Variants in TMTC1 observed in about 807,000 individuals in gnomAD.
The protein encoded by TMTC1 is transmembrane O-mannosyltransferase targeting cadherins 1, also known as protein O-mannosyl-transferase TMTC1.
Under a neutral mutation model 104.8 loss-of-function variants are expected in TMTC1, and 73 were observed. The observed-to-expected ratio is 0.70, with a 90% CI of 0.58 to 0.85. The LOEUF (loss-of-function observed/expected upper bound fraction) is 0.85, where lower values mean the gene tolerates loss of function less well. Ranked by LOEUF, TMTC1 falls within the 40% of genes least tolerant of loss-of-function variation. TMTC1 has a pLI of 0.00. For missense variants in TMTC1, 1,035 were observed against 1,096.1 expected, an observed-to-expected ratio of 0.94 and a Z score of 0.79; for synonymous variants, 434 against 428.7, an observed-to-expected ratio of 1.01 and a Z score of -0.15.
chr12:29,611,703 A>G (rs1417373219), intron 6 of TMTC1, among the ~76,000 whole-genome samples: 1 of 152,222 alleles, frequency 6.6e-6, no homozygotes, highest in Non-Finnish European at 1.5e-5. Flanking sequence ...TTAAAAAAGT[A>G]TGATGAAGAC....
chr12:29,546,090 A>G (rs1301700044), intron 10 of TMTC1, among the ~76,000 whole-genome samples: 2 of 152,188 alleles, frequency 1.3e-5, no homozygotes, highest in East Asian at 3.9e-4. Flanking sequence ...AGGAGGTGGT[A>G]GTGAGGCAGC....
intron 7 of TMTC1, among the ~76,000 whole-genome samples, chr12:29,589,196 C>T (rs1045043872): frequency 5.9e-5 from 9 of 152,140 alleles, no homozygotes; most frequent in Non-Finnish European, 1.2e-4. Context: ...GTCATGTGAC[C>T]ATACATTCCC....
At chr12:29,607,367 T>C (rs16934608) in intron 6 of TMTC1, among the ~76,000 whole-genome samples, 2,311 of 152,244 alleles carry the variant, frequency 0.015, 49 homozygotes, top group African/African-American at 0.052. Flanking sequence ...AGTGAATAAA[T>C]GTATCAGGCA....
At position 29,517,555 on chromosome 12, in the gene TMTC1, G is replaced by T. The variant is rs779088778; in HGVS notation, c.2041C>A (p.His681Asn). 1 of 1,614,114 alleles carries T rather than the reference G, an allele frequency of 6.2e-7. No individual in the cohort carries two copies. The highest frequency in any genetic ancestry group is 8.5e-7 in the Non-Finnish European group (1 of 1,180,000). ...AAAGGTGACAATATCTCAGCTTTGT[G>T]TGCCACCTGCAGGGCGCTGAGTTTG... The part of the protein sequence containing the change: ...EWYKRALQVA[H>N]KAEILSPLGA... The change falls in exon 14 of 18, where the codon CAC (histidine) becomes AAC (asparagine). Residue 681 changes from histidine to asparagine, a missense_variant. Physicochemically the swap from His to Asn is moderately conservative, Grantham distance 68. Coordinates refer to ENST00000539277, the MANE Select transcript of TMTC1 (RefSeq NM_001193451.2).
At chr12:29,734,352 A>AT (rs1942618194) in intron 5 of TMTC1, among the ~76,000 whole-genome samples, 1 of 152,068 alleles carries the variant, frequency 6.6e-6, no homozygotes, top group South Asian at 2.1e-4. Flanking sequence ...GTATGCTCTG[A>AT]TTTTTTCAAG....
chr12:29,648,261 T>C (rs61614350), intron 5 of TMTC1, among the ~76,000 whole-genome samples: 4,883 of 152,262 alleles, frequency 0.032, 188 homozygotes, highest in African/African-American at 0.092. Context: ...CCTAGTGTTT[T>C]TGAGGCACAT....
chr12:29,759,874 A>AAT (rs1359972324), intron 2 of TMTC1, among the ~76,000 whole-genome samples: 2 of 152,230 alleles, frequency 1.3e-5, no homozygotes, highest in Admixed American at 1.3e-4. Flanking sequence ...ATGGTACAAT[A>AAT]ATATATTATA....
intron 11 of TMTC1, among the ~76,000 whole-genome samples, chr12:29,529,690 C>T (rs143512215): frequency 1.8e-4 from 28 of 152,238 alleles, no homozygotes; most frequent in African/African-American, 5.8e-4. Context: ...GTTTTCTTTA[C>T]GAGACAGTTC....
chr12:29,692,521 G>T (rs1212108049), intron 5 of TMTC1, among the ~76,000 whole-genome samples: 1 of 145,100 alleles, frequency 6.9e-6, no homozygotes, highest in Non-Finnish European at 1.5e-5. Flanking sequence ...AAAATGTGGG[G>T]AAACTGGAAC....
intron 16 of TMTC1, among the ~76,000 whole-genome samples, chr12:29,513,067 C>T (rs1472622145): frequency 6.6e-6 from 1 of 152,150 alleles, no homozygotes; most frequent in Non-Finnish European, 1.5e-5. Flanking sequence ...AAGGGTGTGT[C>T]TCTTGGATTA....
intron 5 of TMTC1, among the ~76,000 whole-genome samples, chr12:29,681,765 C>T (rs192541955): frequency 6.6e-6 from 1 of 150,892 alleles, no homozygotes. Context: ...AGAGGCATAT[C>T]AACCAATTGC....
At chr12:29,563,894 A>G (rs1945442253) in intron 9 of TMTC1, among the ~76,000 whole-genome samples, 1 of 152,190 alleles carries the variant, frequency 6.6e-6, no homozygotes, top group Non-Finnish European at 1.5e-5. Context: ...CAGACAGAGC[A>G]GTAAAGCTGA....
chr12:29,728,281 TC>T (rs1339647843), intron 5 of TMTC1, among the ~76,000 whole-genome samples: 1 of 152,078 alleles, frequency 6.6e-6, no homozygotes, highest in Non-Finnish European at 1.5e-5. Flanking sequence ...GTACATCCTG[TC>T]AGTCCAGAGG....
chr12:29,678,577 G>T (rs1940809465), intron 5 of TMTC1, among the ~76,000 whole-genome samples: 1 of 151,586 alleles, frequency 6.6e-6, no homozygotes, highest in Non-Finnish European at 1.5e-5. Context: ...CACTAATCAG[G>T]GACATTTGTT....
chr12:29,653,957 C>A (rs181021393), intron 5 of TMTC1, among the ~76,000 whole-genome samples: 1 of 152,202 alleles, frequency 6.6e-6, no homozygotes, highest in Non-Finnish European at 1.5e-5. Flanking sequence ...ATACACAGCA[C>A]AAACTAAAGT....
chr12:29,509,737 T>C (rs1357537799), intron 17 of TMTC1, among the ~76,000 whole-genome samples: 2 of 152,356 alleles, frequency 1.3e-5, no homozygotes, highest in African/African-American at 4.8e-5. Context: ...GCCTAGTACA[T>C]GATGTCCACA....
At chr12:29,767,595 C>G (rs1360483939) in intron 2 of TMTC1, among the ~76,000 whole-genome samples, 3 of 152,060 alleles carry the variant, frequency 2.0e-5, no homozygotes, top group African/African-American at 7.2e-5. Context: ...GTAATAATAA[C>G]AGCAGTTATT....
At chr12:29,594,750 G>A (rs1004812350) in intron 7 of TMTC1, among the ~76,000 whole-genome samples, 1 of 152,288 alleles carries the variant, frequency 6.6e-6, no homozygotes, top group African/African-American at 2.4e-5. Flanking sequence ...TGGGTGTGTA[G>A]CATCTGCAAT....
chr12:29,585,781 C>T (rs1274655092), intron 7 of TMTC1, among the ~76,000 whole-genome samples: 1 of 152,184 alleles, frequency 6.6e-6, no homozygotes, highest in African/African-American at 2.4e-5. Context: ...AGGCTCCATT[C>T]TGTTCCATTG....
Sources: allele counts gnomAD v4.1 joint callset (sites outside exome capture counted in the v4.1 genomes callset), GRCh38; gene constraint gnomAD v4.1.1; transcripts MANE v1.5; gene names NCBI Gene and HGNC (gene_info 2026-07-23, HGNC 2026-07-21).